The following GPC6 variants were observed in gnomAD, a reference collection of about 807,000 sequenced individuals.
GPC6 encodes glypican 6, also known as glypican-6.
GPC6 carries 14 observed loss-of-function variants against 55.2 expected under a neutral mutation model. The observed-to-expected ratio is 0.25, with a 90% CI of 0.17 to 0.40. GPC6 has a LOEUF of 0.40. GPC6 is among the 10% of genes least tolerant of loss of function. The pLI is 1.00. For synonymous variants in GPC6, 278 were observed against 259.6 expected (o/e 1.07, Z -0.68); for missense variants, 641 against 708.5 (o/e 0.90, Z 1.08).
At position 93,503,646 on chromosome 13, in the gene GPC6, A is replaced by G. The variant is rs527946621; in HGVS notation, c.161-41617A>G. 4.6e-5 allele frequency among the ~76,000 whole-genome samples: 7 copies of G among 152,216 alleles called. No homozygotes were observed. The East Asian group carries it at 1.4e-3, about 29-fold the overall frequency. On this transcript the variant is annotated intron_variant, in intron 1 of 8. Coordinates refer to ENST00000377047, the MANE Select transcript of GPC6 (RefSeq NM_005708.5). ...ATTTGTGTGTATATCGGAATCTACT[A>G]CTGGAAGCTGTAGCAATGGAATCTT...
At chr13:93,273,588 G>A (rs1464316836) in intron 1 of GPC6, among the ~76,000 whole-genome samples, 8 of 152,162 alleles carry the variant, frequency 5.3e-5, no homozygotes, top group Middle Eastern at 3.4e-3. Context: ...AACCCGGGAG[G>A]CGGAGCTTGC....
chr13:93,354,208 T>C (rs1406955198), intron 1 of GPC6, among the ~76,000 whole-genome samples: 2 of 152,106 alleles, frequency 1.3e-5, no homozygotes, highest in African/African-American at 4.8e-5. Flanking sequence ...ACTTGGAAAA[T>C]GGCGACTAGC....
intron 1 of GPC6, among the ~76,000 whole-genome samples, chr13:93,396,022 A>T (rs1405604000): frequency 1.3e-5 from 2 of 152,218 alleles, no homozygotes; most frequent in Non-Finnish European, 2.9e-5. Context: ...AAAGTAGCTT[A>T]GCCTTTACAC....
At chr13:93,527,827 G>A (rs1881713263) in intron 1 of GPC6, among the ~76,000 whole-genome samples, 1 of 152,088 alleles carries the variant, frequency 6.6e-6, no homozygotes, top group African/African-American at 2.4e-5. Flanking sequence ...GGCTGTGTGA[G>A]TTATAAAAGG....
At chr13:93,757,655 C>A (rs1884821066) in intron 2 of GPC6, among the ~76,000 whole-genome samples, 1 of 152,132 alleles carries the variant, frequency 6.6e-6, no homozygotes, top group Non-Finnish European at 1.5e-5. Context: ...GATAATAATT[C>A]CATGTCAAAT....
At chr13:93,275,871 T>G (rs1218720237) in intron 1 of GPC6, among the ~76,000 whole-genome samples, 6 of 152,040 alleles carry the variant, frequency 3.9e-5, no homozygotes, top group Non-Finnish European at 8.8e-5. Flanking sequence ...ACAGGATAAT[T>G]TTTTTGTTTT....
intron 4 of GPC6, among the ~76,000 whole-genome samples, chr13:94,259,698 T>G (rs1003743377): frequency 1.3e-4 from 20 of 152,210 alleles, no homozygotes; most frequent in Admixed American, 2.6e-4. Context: ...ATGGCCACTC[T>G]ATTTCCTATC....
intron 1 of GPC6, among the ~76,000 whole-genome samples, chr13:93,475,974 A>G (rs912178308): frequency 3.3e-5 from 5 of 149,562 alleles, no homozygotes; most frequent in African/African-American, 7.4e-5. Context: ...TTTTTTTTTT[A>G]TGAGAGAGTA....
At chr13:94,175,982 A>C (rs1244504814) in intron 4 of GPC6, among the ~76,000 whole-genome samples, 7 of 145,594 alleles carry the variant, frequency 4.8e-5, no homozygotes, top group African/African-American at 1.0e-4. Flanking sequence ...AGAGAGAGAG[A>C]GAGAGAGAGA....
At chr13:94,348,941 A>G (rs1281721706) in intron 6 of GPC6, among the ~76,000 whole-genome samples, 1 of 152,206 alleles carries the variant, frequency 6.6e-6, no homozygotes, top group African/African-American at 2.4e-5. Context: ...AAACTTGTTC[A>G]GTCTCAGGTA....
intron 4 of GPC6, among the ~76,000 whole-genome samples, chr13:94,281,433 T>A (rs1409316277): frequency 6.6e-6 from 1 of 152,178 alleles, no homozygotes; most frequent in African/African-American, 2.4e-5. Context: ...ATCATTTTTT[T>A]AAAATGAGTT....
chr13:93,886,591 C>A (rs1594557425), intron 3 of GPC6, among the ~76,000 whole-genome samples: 1 of 152,014 alleles, frequency 6.6e-6, no homozygotes, highest in East Asian at 1.9e-4. Flanking sequence ...GCTAGCAAAA[C>A]AAGGGTAAGG....
At chr13:93,544,635 A>G (rs1193051955) in intron 1 of GPC6, among the ~76,000 whole-genome samples, 22 of 152,212 alleles carry the variant, frequency 1.4e-4, no homozygotes, top group Admixed American at 1.4e-3. Flanking sequence ...AATTAAATAC[A>G]AGGCTTTCAT....
At chr13:94,214,333 T>C (rs1890167454) in intron 4 of GPC6, among the ~76,000 whole-genome samples, 1 of 152,218 alleles carries the variant, frequency 6.6e-6, no homozygotes, top group African/African-American at 2.4e-5. Flanking sequence ...TGTATTACCA[T>C]TAATTAGCAA....
chr13:93,807,701 T>C (rs72643188), intron 2 of GPC6, among the ~76,000 whole-genome samples: 4,212 of 152,264 alleles, frequency 0.028, 107 homozygotes, highest in South Asian at 0.072. Context: ...CAATGCTTGA[T>C]AGAAATACTT....
intron 2 of GPC6, among the ~76,000 whole-genome samples, chr13:93,749,524 A>G (rs1285875837): frequency 1.3e-5 from 2 of 152,072 alleles, no homozygotes; most frequent in African/African-American, 4.8e-5. Context: ...CTACCATTAT[A>G]TTAGGAATCT....
At chr13:94,158,195 T>A (rs570714255) in intron 4 of GPC6, among the ~76,000 whole-genome samples, 1 of 152,102 alleles carries the variant, frequency 6.6e-6, no homozygotes, top group Non-Finnish European at 1.5e-5. Flanking sequence ...CATTTTGTAA[T>A]AGCAAAATTA....
At chr13:93,650,049 T>C (rs1248029731) in intron 2 of GPC6, among the ~76,000 whole-genome samples, 4 of 152,194 alleles carry the variant, frequency 2.6e-5, no homozygotes, top group Admixed American at 6.5e-5. Context: ...AAATACTTGA[T>C]ACAAAATTCA....
chr13:93,225,771 ACAT>A (rs1875757908), upstream of GPC6, among the ~76,000 whole-genome samples: 1 of 152,186 alleles, frequency 6.6e-6, no homozygotes, highest in African/African-American at 2.4e-5. Context: ...CATCAGGAAA[ACAT>A]CTTCATGTGT....
Sources: gnomAD v4.1 joint callset for allele counts (sites outside exome capture counted in the v4.1 genomes callset) on GRCh38, gnomAD v4.1.1 for gene constraint, MANE v1.5 for transcripts, NCBI Gene and HGNC (gene_info 2026-07-23, HGNC 2026-07-21) for gene names.